Variants in CSMD1 observed in about 807,000 individuals in gnomAD.
CSMD1 encodes the protein CUB and Sushi multiple domains 1.
A neutral mutation model predicts 417.5 loss-of-function variants in CSMD1; 213 were observed. The ratio of observed to expected loss-of-function variants is 0.51; its 90% CI spans 0.46 to 0.57. CSMD1 has a LOEUF of 0.57. CSMD1 is among the 20% of genes least tolerant of loss of function. CSMD1 has a pLI of 0.00. For synonymous variants in CSMD1, 2,862 were observed against 1,736.8 expected, an observed-to-expected ratio of 1.65 and a Z score of -16.11; for missense variants, 6,923 against 4,529.7, an observed-to-expected ratio of 1.53 and a Z score of -15.17.
chr8:3,142,332 A>T (rs1159979262), intron 41 of CSMD1, 133 bp downstream of exon 41: 3 of 808,526 alleles, frequency 3.7e-6, no homozygotes, highest in Non-Finnish European at 5.9e-6. Flanking sequence ...ACTAACCAGA[A>T]ACCAACATTC....
chr8:4,502,616 T>A (rs1433140208), intron 2 of CSMD1, among the ~76,000 whole-genome samples: 3 of 152,202 alleles, frequency 2.0e-5, no homozygotes, highest in Admixed American at 1.3e-4. Context: ...AAGGACTCTA[T>A]ATATCCTGAA....
At chr8:4,613,591 G>C (rs1007767755) in intron 2 of CSMD1, among the ~76,000 whole-genome samples, 3 of 152,152 alleles carry the variant, frequency 2.0e-5, no homozygotes, top group East Asian at 3.9e-4. Context: ...GCAGGTGCTT[G>C]GACTTTTTTC....
intron 54 of CSMD1, 102 bp downstream of exon 54, chr8:2,997,909 T>C (rs1585117357): frequency 8.8e-7 from 1 of 1,140,086 alleles, no homozygotes; most frequent in Non-Finnish European, 1.2e-6. Context: ...CAGAACTCTT[T>C]ATGCATTACC....
intron 3 of CSMD1, among the ~76,000 whole-genome samples, chr8:4,129,857 T>G (rs1039272559): frequency 2.6e-5 from 4 of 152,306 alleles, no homozygotes; most frequent in Admixed American, 2.6e-4. Flanking sequence ...GGTTCCTGCT[T>G]TTTCATAGCA....
chr8:3,274,732 G>C (rs375702724), intron 26 of CSMD1, among the ~76,000 whole-genome samples: 3 of 151,932 alleles, frequency 2.0e-5, no homozygotes, highest in Non-Finnish European at 2.9e-5. Context: ...TCTGTTTTAT[G>C]AGAGACTAGG....
intron 1 of CSMD1, among the ~76,000 whole-genome samples, chr8:4,769,720 G>C (rs1585070873): frequency 6.6e-6 from 1 of 152,174 alleles, no homozygotes; most frequent in Admixed American, 6.5e-5. Flanking sequence ...GAAACGAAGT[G>C]AAGTCCAAAC....
chr8:3,604,924 AT>A (rs1469517138), intron 8 of CSMD1, among the ~76,000 whole-genome samples: 1 of 152,188 alleles, frequency 6.6e-6, no homozygotes, highest in Non-Finnish European at 1.5e-5. Flanking sequence ...ACTTTTCATA[AT>A]AAAATTTATA....
intron 1 of CSMD1, among the ~76,000 whole-genome samples, chr8:4,916,341 T>C (rs2117116446): frequency 6.6e-6 from 1 of 152,368 alleles, no homozygotes; most frequent in East Asian, 1.9e-4. Flanking sequence ...GGGCAACTTT[T>C]AAATATGGCA....
intron 37 of CSMD1, among the ~76,000 whole-genome samples, chr8:3,167,037 AGCACTTTGGGAG>A (rs1253314510): frequency 6.6e-6 from 1 of 152,218 alleles, no homozygotes; most frequent in East Asian, 1.9e-4. Flanking sequence ...CTGTCATCCC[AGCACTTTGGGAG>A]GCCAAGGCAG....
chr8:4,241,876 A>C (rs540404626), intron 3 of CSMD1, among the ~76,000 whole-genome samples: 2 of 152,128 alleles, frequency 1.3e-5, no homozygotes, highest in Admixed American at 1.3e-4. Flanking sequence ...AGAGAGAAAG[A>C]TGGAGGCAGA....
At chr8:4,463,617 T>C (rs528284874) in intron 2 of CSMD1, among the ~76,000 whole-genome samples, 3 of 152,154 alleles carry the variant, frequency 2.0e-5, no homozygotes, top group Non-Finnish European at 4.4e-5. Context: ...CTGACAAACC[T>C]TGAAAACCTA....
At chr8:4,730,817 G>GT (rs775564979) in intron 1 of CSMD1, among the ~76,000 whole-genome samples, 3 of 152,026 alleles carry the variant, frequency 2.0e-5, no homozygotes, top group East Asian at 3.9e-4. Context: ...GATTTTCTTG[G>GT]TTTTTGTGCA....
At chr8:4,519,782 A>AAAAAAATT (rs1803333257) in intron 2 of CSMD1, among the ~76,000 whole-genome samples, 3 of 131,754 alleles carry the variant, frequency 2.3e-5, no homozygotes, top group Admixed American at 8.1e-5. Context: ...AAAAAAAAAA[A>AAAAAAATT]TTCTTGCCTT....
At chr8:4,532,503 C>T (rs1457087493) in intron 2 of CSMD1, among the ~76,000 whole-genome samples, 1 of 149,920 alleles carries the variant, frequency 6.7e-6, no homozygotes, top group African/African-American at 2.5e-5. Flanking sequence ...AAATCCCGCA[C>T]CCCCATTCAG....
intron 1 of CSMD1, among the ~76,000 whole-genome samples, chr8:4,856,524 T>A (rs544763039): frequency 7.2e-6 from 1 of 139,084 alleles, no homozygotes; most frequent in East Asian, 2.1e-4. Context: ...GAAACCCATC[T>A]CACGTGCAGA....
At chr8:3,195,914 A>C (rs1008801537) in intron 33 of CSMD1, among the ~76,000 whole-genome samples, 5 of 152,198 alleles carry the variant, frequency 3.3e-5, no homozygotes, top group African/African-American at 1.2e-4. Context: ...GAGGTGTTTG[A>C]TCCAGAGTGA....
At chr8:3,968,458 C>T (rs1322297978) in intron 5 of CSMD1, among the ~76,000 whole-genome samples, 2 of 152,124 alleles carry the variant, frequency 1.3e-5, no homozygotes, top group Admixed American at 1.3e-4. Context: ...ATGCTTTTCT[C>T]TTTAAGAATC....
At chr8:3,162,322 A>G (rs1819950736) in intron 37 of CSMD1, 45 bp from the exon 38 acceptor site, 1 of 1,260,736 alleles carries the variant, frequency 7.9e-7, no homozygotes, top group Non-Finnish European at 1.1e-6. Flanking sequence ...GATGTAAACA[A>G]TATTCTTATC....
chr8:3,188,111 TTAA>T (rs1173385002), intron 35 of CSMD1, 146 bp from the exon 36 acceptor site: 1 of 274,954 alleles, frequency 3.6e-6, no homozygotes, highest in Non-Finnish European at 6.8e-6. Context: ...CATATACACC[TTAA>T]TAATGCCTCC....
Sources: gnomAD v4.1 joint callset for allele counts (sites outside exome capture counted in the v4.1 genomes callset) on GRCh38, gnomAD v4.1.1 for gene constraint, MANE v1.5 for transcripts, NCBI Gene and HGNC (gene_info 2026-07-23, HGNC 2026-07-21) for gene names.